The following CCND1 variants were observed in gnomAD, a reference collection of about 807,000 sequenced individuals.
The protein encoded by CCND1 is G1/S-specific cyclin-D1.
Under a neutral mutation model 26.1 loss-of-function variants are expected in CCND1, and 9 were observed. The observed-to-expected ratio is 0.35, with a 90% CI of 0.21 to 0.60. CCND1 has a LOEUF of 0.60. Ranked by LOEUF, CCND1 falls within the 20% of genes least tolerant of loss-of-function variation. The probability of loss-of-function intolerance (pLI) is 0.79; values close to 1 mark genes in which losing one functional copy is unlikely to be tolerated. For missense variants in CCND1, 335 were observed against 392.9 expected (o/e 0.85, Z 1.25); for synonymous variants, 194 against 166.1 (o/e 1.17, Z -1.29).
Position 69,648,085 on chromosome 11 carries a change from C to T in CCND1, c.666C>T (p.Asn222=), listed in dbSNP as rs757846601. The T allele has an allele frequency of 4.3e-6, 7 of 1,613,966 alleles. No individual in the cohort carries two copies. The highest frequency in any genetic ancestry group is 2.2e-5 in the South Asian group (2 of 91,074). ...GCCTGAACCTGAGGAGCCCCAACAA[C>T]TTCCTGTCCTACTACCGCCTCACAC... The part of the protein sequence containing the change: ...VQGLNLRSPN[N]FLSYYRLTRF... Residue 222 remains asparagine, a synonymous_variant, in exon 4 of 5, where the codon AAC becomes AAT. Coordinates refer to ENST00000227507, the MANE Select transcript of CCND1 (RefSeq NM_053056.3).
intron 4 of CCND1, 32 bp from the exon 5 acceptor site, chr11:69,651,085 TC>T: frequency 3.1e-6 from 5 of 1,597,940 alleles, no homozygotes; most frequent in Non-Finnish European, 4.3e-6. Context: ...AAGGACCCCC[TC>T]TTCCCACCTC....
At position 69,642,432 on chromosome 11, in the gene CCND1, AG is replaced by A. The variant is rs1373551583; in HGVS notation, c.199-592del. On this transcript the variant is annotated intron_variant, in intron 1 of 4. Coordinates refer to ENST00000227507, the MANE Select transcript of CCND1 (RefSeq NM_053056.3). ...GAAACGCCGCCCGCGCCCAGGGGGA[AG>A]GGGGGGCCCCGGAGTTTGAATTCCT... 3.9e-5 allele frequency among the ~76,000 whole-genome samples: 6 copies of A among 152,138 alleles called. No individual in the cohort carries two copies. In the South Asian group the frequency reaches 6.2e-4, roughly 16 times the overall value.
rs751700485 is a variant in CCND1 at position 69,641,400 on chromosome 11, G to A, written c.87G>A (p.Arg29=). 3.1e-6 allele frequency: 5 copies of A among 1,613,336 alleles called. No homozygotes were observed. The highest frequency in any genetic ancestry group is 1.3e-5 in the African/African-American group (1 of 74,922). The change falls in exon 1 of 5, where the codon CGG becomes CGA. Residue 29 remains arginine, a synonymous_variant. Transcript: ENST00000227507. The part of the protein sequence containing the change: ...DANLLNDRVL[R]AMLKAEETCA... ...ACCTCCTCAACGACCGGGTGCTGCG[G>A]GCCATGCTGAAGGCGGAGGAGACCT...
In CCND1 at chr11:69,653,191, G is replaced by A. The variant is rs1855877180; in HGVS notation, c.*1909G>A. 4 of 672,116 alleles carry A rather than the reference G, an allele frequency of 6.0e-6. No individual in the cohort carries two copies. Among genetic ancestry groups the A allele is most frequent in the Non-Finnish European group, 1.1e-5 (4 of 370,568 alleles). 41.6% of individuals were successfully genotyped at this position (672,116 alleles called of 1,614,324 possible). A position where few individuals can be genotyped will look rare whatever the true frequency, so the allele number is the denominator to read the frequency against. ...GGTGTGAGGAGGAGGCTCCCGAGGGGAAGGGGCGGTGCCCACACCGGGGAC... is the reference window on the plus strand; with the variant it reads ...GGTGTGAGGAGGAGGCTCCCGAGGGAAAGGGGCGGTGCCCACACCGGGGAC... On this transcript the variant is annotated 3_prime_UTR_variant, in exon 5 of 5. Coordinates refer to ENST00000227507, the MANE Select transcript of CCND1 (RefSeq NM_053056.3).
chr11:69,652,256 T>C lies in CCND1; in HGVS notation c.*974T>C, dbSNP rs147844202. 8.6e-6 allele frequency: 2 copies of C among 233,720 alleles called. No homozygotes were observed. The highest frequency in any genetic ancestry group is 8.5e-6 in the Non-Finnish European group (1 of 118,058). 14.5% of individuals were successfully genotyped at this position (233,720 alleles called of 1,614,324 possible). A position where few individuals can be genotyped will look rare whatever the true frequency, so the allele number is the denominator to read the frequency against. On this transcript the variant is annotated 3_prime_UTR_variant, in exon 5 of 5. Transcript: ENST00000227507. ...CAGGTTCAACCCACAGCTACTTGGTTTGTGTTCTTCTTCATATTCTAAAAC... is the reference window on the plus strand; with the variant it reads ...CAGGTTCAACCCACAGCTACTTGGTCTGTGTTCTTCTTCATATTCTAAAAC...
intron 1 of CCND1, among the ~76,000 whole-genome samples, chr11:69,642,787 T>G (rs932959020): frequency 6.7e-6 from 1 of 150,204 alleles, no homozygotes; most frequent in Non-Finnish European, 1.5e-5. Flanking sequence ...GCCGCCCAGC[T>G]GTGCCCGCTC....
At chr11:69,646,541 G>A (rs957521743) in intron 3 of CCND1, among the ~76,000 whole-genome samples, 3 of 152,098 alleles carry the variant, frequency 2.0e-5, no homozygotes, top group South Asian at 2.1e-4. Flanking sequence ...CCTTGTTCCC[G>A]GGCGCTCAGT....
chr11:69,653,127 G>A lies in CCND1; in HGVS notation c.*1845G>A. ...GAAGTGTTGAAGGGAGGTGGCAAGA[G>A]TGTGGAGGCTGACGTGTGAGGGAGG... On this transcript the variant is annotated 3_prime_UTR_variant, in exon 5 of 5. Coordinates refer to ENST00000227507, the MANE Select transcript of CCND1 (RefSeq NM_053056.3). The A allele has an allele frequency of 1.7e-6, 1 of 576,668 alleles. No individual in the cohort carries two copies. The highest frequency in any genetic ancestry group is 3.0e-5 in the East Asian group (1 of 33,696). 35.7% of individuals were successfully genotyped at this position (576,668 alleles called of 1,614,324 possible). A position where few individuals can be genotyped will look rare whatever the true frequency, so the allele number is the denominator to read the frequency against.
Position 69,647,868 on chromosome 11 carries a change from G to T in CCND1, c.575-126G>T, listed in dbSNP as rs886080089. ...AGGAGGGCCTGGATGTGGAGCCTCAGATACCGAGTGCTTCCCTTCAGGCCG... is the reference window on the plus strand; with the variant it reads ...AGGAGGGCCTGGATGTGGAGCCTCATATACCGAGTGCTTCCCTTCAGGCCG... On this transcript the variant is annotated intron_variant, in intron 3 of 4. Transcript: ENST00000227507. 5 of 1,065,476 alleles carry T rather than the reference G, an allele frequency of 4.7e-6. No homozygotes were observed. The Admixed American group carries it at 1.1e-4, about 24-fold the overall frequency. 66.0% of individuals were successfully genotyped at this position (1,065,476 alleles called of 1,614,324 possible).
chr11:69,644,147 G>C (rs1464995236), intron 3 of CCND1, 156 bp downstream of exon 3: 1 of 726,330 alleles, frequency 1.4e-6, no homozygotes, highest in Non-Finnish European at 2.4e-6. Context: ...GGTGAGCAGA[G>C]GCCCTGGATT....
rs1200097818 is a variant in CCND1, at chr11:69,643,237, G to A, written c.405G>A (p.Glu135=). 1.3e-6 allele frequency: 2 copies of A among 1,580,034 alleles called. No homozygotes were observed. The highest frequency in any genetic ancestry group is 2.3e-5 in the East Asian group (1 of 43,282). The change falls in exon 2 of 5, where the codon GAG becomes GAA. Residue 135 remains glutamate (E), a synonymous_variant. Transcript: ENST00000227507. ...ACACCGACAACTCCATCCGGCCCGAGGAGCTGCTGGTAACCACTGGACCCC... is the reference window on the plus strand; with the variant it reads ...ACACCGACAACTCCATCCGGCCCGAAGAGCTGCTGGTAACCACTGGACCCC... ...CIYTDNSIRP[E]ELLQMELLLV...
At chr11:69,645,437 A>G (rs1363987053) in intron 3 of CCND1, among the ~76,000 whole-genome samples, 1 of 152,154 alleles carries the variant, frequency 6.6e-6, no homozygotes, top group African/African-American at 2.4e-5. Flanking sequence ...CCTTCCCACT[A>G]CTGCACACCC....
In CCND1 at chr11:69,651,203, C is replaced by T. The variant is rs770991095; in HGVS notation, c.809C>T (p.Ala270Val). Residue 270 changes from alanine to valine, a missense_variant, in exon 5 of 5, where the codon GCC becomes GTC. By Grantham distance (64) the Ala-to-Val change is moderately conservative (BLOSUM62 0). Transcript: ENST00000227507. ...RQAQQNMDPK[A>V]AEEEEEEEEE... ...GCCCAGCAGAACATGGACCCCAAGG[C>T]CGCCGAGGAGGAGGAAGAGGAGGAG... 3 of 1,607,064 alleles carry T rather than the reference C, an allele frequency of 1.9e-6. No homozygotes were observed. In the East Asian group the frequency reaches 6.8e-5, roughly 36 times the overall value.
chr11:69,641,341 G>A lies in CCND1; in HGVS notation c.28G>A (p.Val10Met), dbSNP rs761266790. The A allele has an allele frequency of 1.2e-6, 2 of 1,612,922 alleles. No homozygotes were observed. Among genetic ancestry groups the A allele is most frequent in the Admixed American group, 3.3e-5 (2 of 60,024 alleles). Reference sequence around the variant, plus strand: ...GGAACACCAGCTCCTGTGCTGCGAAGTGGAAACCATCCGCCGCGCGTACCC... The same window carrying A: ...GGAACACCAGCTCCTGTGCTGCGAAATGGAAACCATCCGCCGCGCGTACCC... MEHQLLCCE[V>M]ETIRRAYPDA... The change falls in exon 1 of 5, where the codon GTG becomes ATG. Residue 10 changes from valine (V) to methionine (M), a missense_variant. Transcript: ENST00000227507.
At chr11:69,650,986 C>T in intron 4 of CCND1, 132 bp from the exon 5 acceptor site, 1 of 748,748 alleles carries the variant, frequency 1.3e-6, no homozygotes, top group Non-Finnish European at 2.1e-6. Context: ...GCAGCATGGG[C>T]CGAGGGACAG....
Position 69,653,624 on chromosome 11 carries a change from G to A in CCND1, c.*2342G>A, listed in dbSNP as rs1053477162. ...CCCCGAGGCCGCGTGCGTGAGAACC[G>A]CGCCGGTGTCCCCAGAGACCAGGCT... On this transcript the variant is annotated 3_prime_UTR_variant, in exon 5 of 5. Transcript: ENST00000227507. 6 of 453,040 alleles carry A rather than the reference G, an allele frequency of 1.3e-5. No individual in the cohort carries two copies. The highest frequency in any genetic ancestry group is 4.1e-5 in the Admixed American group (1 of 24,116). 28.1% of individuals were successfully genotyped at this position (453,040 alleles called of 1,614,324 possible).
Position 69,643,280 on chromosome 11 carries a change from G to A in CCND1, c.414+34G>A, listed in dbSNP as rs747902170. The A allele has an allele frequency of 4.6e-6, 7 of 1,507,900 alleles. No individual in the cohort carries two copies. In the African/African-American group the frequency reaches 8.4e-5, roughly 18 times the overall value. 93.4% of individuals were successfully genotyped at this position (1,507,900 alleles called of 1,614,324 possible). The stretch of plus-strand genomic sequence containing the variant: ...TGGACCCCGCCGCCCCCCGCCCCCC[G>A]CGAGCCGCACGCAGGACCACGGGGC... On this transcript the variant is annotated intron_variant, in intron 2 of 4. Transcript: ENST00000227507.
At chr11:69,645,332 G>C (rs995666668) in intron 3 of CCND1, among the ~76,000 whole-genome samples, 9 of 152,196 alleles carry the variant, frequency 5.9e-5, no homozygotes, top group Non-Finnish European at 1.3e-4. Flanking sequence ...CGTGGTTCTT[G>C]CACAGCCTCC....
At chr11:69,641,532 C>G (rs1292751820) in intron 1 of CCND1, 21 bp downstream of exon 1, 1 of 1,608,958 alleles carries the variant, frequency 6.2e-7, no homozygotes. Context: ...TCGGGCGGCT[C>G]TCTTAAGACT....
Sources: allele counts gnomAD v4.1 joint callset (sites outside exome capture counted in the v4.1 genomes callset), GRCh38; gene constraint gnomAD v4.1.1; transcripts MANE v1.5; gene names NCBI Gene and HGNC (gene_info 2026-07-23, HGNC 2026-07-21).